NCOR2: variants seen among roughly 807,000 people sequenced by gnomAD.
NCOR2 encodes nuclear receptor corepressor 2, also known as CTG repeat protein 26.
A neutral mutation model predicts 262.9 loss-of-function variants in NCOR2; 81 were observed. That is an observed-to-expected ratio of 0.31 (90% CI 0.26 to 0.37). NCOR2 has a LOEUF of 0.37. NCOR2 is among the 10% of genes least tolerant of loss of function. The pLI is 1.00. For missense variants in NCOR2, 3,385 were observed against 3,621.4 expected, an observed-to-expected ratio of 0.93 and a Z score of 1.68; for synonymous variants, 1,659 against 1,559.3, an observed-to-expected ratio of 1.06 and a Z score of -1.51.
rs71458849 is a variant in NCOR2, at chr12:124,508,870, G to A, written c.-117-13502C>T. Among the ~76,000 whole-genome samples the A allele has an allele frequency of 8.7e-3, 1,322 of 152,272 alleles. 13 individuals carry two copies. Among genetic ancestry groups the A allele is most frequent in the Non-Finnish European group, 0.012 (818 of 68,018 alleles). On this transcript the variant is annotated intron_variant, in intron 1 of 46. Coordinates refer to the NCOR2 transcript ENST00000404621. ...CCACAAGAGAGGTGAGGGAAGGCTG[G>A]GGAGCTGAAGCGGGCTGATGGGGGG...
rs2041484814 is a variant in NCOR2 at position 124,393,901 on chromosome 12, A to G, written c.1876+4218T>C. Among the ~76,000 whole-genome samples the G allele has an allele frequency of 4.6e-5, 7 of 152,244 alleles. No homozygotes were observed. In the South Asian group the frequency reaches 1.4e-3, roughly 31 times the overall value. ...ACGGTGTTACTGGGTGATATTCACTATTATTTCGTGCTCTGGGTGTCGGCC... is the reference window on the plus strand; with the variant it reads ...ACGGTGTTACTGGGTGATATTCACTGTTATTTCGTGCTCTGGGTGTCGGCC... On this transcript the variant is annotated intron_variant, in intron 16 of 46. Coordinates refer to ENST00000405201, the Ensembl canonical transcript of NCOR2.
chr12:124,523,645 A>AAAC lies in NCOR2; in HGVS notation c.-118+11919_-118+11920insGTT, dbSNP rs1555237266. Among the ~76,000 whole-genome samples the AAAC allele has an allele frequency of 7.0e-6, 1 of 142,708 alleles. No individual in the cohort carries two copies. The highest frequency in any genetic ancestry group is 3.1e-5 in the African/African-American group (1 of 32,696). 93.6% of individuals were successfully genotyped at this position (142,708 alleles called of 152,430 possible). A position where few individuals can be genotyped will look rare whatever the true frequency, so the allele number is the denominator to read the frequency against. Reference sequence around the variant, plus strand: ...ACCATAGCTGATGAACTAAAAAAAAAAAAAACAAAAAACCGAAAAACAATC... The same window carrying AAAC: ...ACCATAGCTGATGAACTAAAAAAAAAAACAAAAACAAAAAACCGAAAAACAATC... On this transcript the variant is annotated intron_variant, in intron 1 of 46. Transcript: ENST00000404621. The surrounding 1 kb of genome is among the most constrained non-coding windows in gnomAD (Gnocchi z 4.0).
intron 11 of NCOR2, among the ~76,000 whole-genome samples, chr12:124,423,727 G>T (rs1322009395): frequency 1.3e-5 from 2 of 152,164 alleles, no homozygotes; most frequent in Non-Finnish European, 2.9e-5. Context: ...AAGAGACCAG[G>T]AATCAAACTT....
chr12:124,529,302 A>AC (rs1303791794), intron 1 of NCOR2, among the ~76,000 whole-genome samples: 11 of 147,024 alleles, frequency 7.5e-5, no homozygotes, highest in African/African-American at 2.8e-4. Flanking sequence ...CCCCGTCTCT[A>AC]CTAAAAAAAA....
intron 1 of NCOR2, chr12:124,561,859 T>A (rs1689485564): frequency 6.6e-6 from 1 of 151,870 alleles, no homozygotes; most frequent in Non-Finnish European, 1.5e-5. Context: ...CTACAAAAAA[T>A]TTTAAAATTA....
chr12:124,415,427 G>A (rs1322487433), intron 13 of NCOR2, among the ~76,000 whole-genome samples: 1 of 152,234 alleles, frequency 6.6e-6, no homozygotes, highest in East Asian at 1.9e-4. Flanking sequence ...GATTTTCCTT[G>A]CTGCCATGGG....
chr12:124,400,454 C>A (rs746577398), intron 15 of NCOR2, 47 bp downstream of exon 17: 1 of 1,591,256 alleles, frequency 6.3e-7, no homozygotes, highest in Non-Finnish European at 8.6e-7. Flanking sequence ...CGCAACCCGC[C>A]GTGTCTCCAG....
At chr12:124,470,983 C>A (rs137872660) in intron 4 of NCOR2, among the ~76,000 whole-genome samples, 1 of 152,226 alleles carries the variant, frequency 6.6e-6, no homozygotes, top group African/African-American at 2.4e-5. Flanking sequence ...CCTAACGGTG[C>A]GGTACCAGGC....
chr12:124,337,059 T>C (rs903055254), exon 38 of NCOR2: 16 of 1,491,050 alleles, frequency 1.1e-5, no homozygotes, highest in Non-Finnish European at 1.4e-5. Context: ...GGGGCCTCCT[T>C]GGGCAGCAAG....
At chr12:124,560,531 C>T (rs1350940234) in intron 1 of NCOR2, among the ~76,000 whole-genome samples, 3 of 152,252 alleles carry the variant, frequency 2.0e-5, no homozygotes, top group Non-Finnish European at 4.4e-5. Flanking sequence ...CCAACTCTTG[C>T]TTTCTACGTT....
intron 26 of NCOR2, 134 bp from the exon 29 acceptor site, chr12:124,354,330 C>A: frequency 8.7e-7 from 1 of 1,147,860 alleles, no homozygotes; most frequent in Non-Finnish European, 1.2e-6. Flanking sequence ...AGTCCCCCTA[C>A]CCCTAAATGG....
chr12:124,356,936 C>A, intron 22 of NCOR2, 154 bp from the exon 25 acceptor site: 1 of 951,368 alleles, frequency 1.1e-6, no homozygotes, highest in Non-Finnish European at 1.4e-6. Context: ...CCAAGTCTGC[C>A]TGCCTGGGCG....
chr12:124,473,171 G>A lies in NCOR2; in HGVS notation c.412-40C>T, dbSNP rs143619072. On this transcript the variant is annotated intron_variant, in intron 3 of 46. Transcript: ENST00000405201. ...AAACGGGCATGGGGTCAGCACAGGG[G>A]ACACCCCCCAGTCTGTACAACCCTG... The A allele has an allele frequency of 2.0e-3, 3,192 of 1,609,060 alleles. 44 individuals carry two copies. The African/African-American group carries it at 0.034, about 17-fold the overall frequency.
At chr12:124,388,643 C>T (rs1182447631) in intron 16 of NCOR2, 2 of 1,302,688 alleles carry the variant, frequency 1.5e-6, no homozygotes, top group African/African-American at 1.5e-5. Context: ...CCTGTCCCTG[C>T]ACCCGCAGTC....
intron 30 of NCOR2, among the ~76,000 whole-genome samples, 200 bp from the exon 33 acceptor site, chr12:124,347,050 G>A (rs1244066): frequency 0.46 from 69,933 of 152,144 alleles, 17,261 homozygotes; most frequent in Middle Eastern, 0.6. Flanking sequence ...ACCTCAGCAA[G>A]TCGGGAACAC....
At chr12:124,456,205 C>T (rs1409934744) in intron 6 of NCOR2, among the ~76,000 whole-genome samples, 10 of 152,218 alleles carry the variant, frequency 6.6e-5, no homozygotes, top group African/African-American at 2.2e-4. Flanking sequence ...GCACCCTGGG[C>T]GCACTCACAC....
intron 9 of NCOR2, among the ~76,000 whole-genome samples, chr12:124,430,056 C>T (rs1356850110): frequency 6.6e-6 from 1 of 152,234 alleles, no homozygotes; most frequent in African/African-American, 2.4e-5. Context: ...TATGAGGATT[C>T]AAAAGTGGCA....
At chr12:124,337,918 G>A (rs150940851) in intron 37 of NCOR2, among the ~76,000 whole-genome samples, 1,869 of 152,308 alleles carry the variant, frequency 0.012, 23 homozygotes, top group Middle Eastern at 0.078. Context: ...ATTCATGAGC[G>A]GGCAGTGGGC....
rs1188245334 is a variant in NCOR2 at position 124,334,824 on chromosome 12, T to C, written c.6412-207A>G. 52 of 597,432 alleles carry C rather than the reference T, an allele frequency of 8.7e-5. No individual in the cohort carries two copies. The East Asian group carries it at 1.2e-3, about 14-fold the overall frequency. The allele number at this position is 597,432 out of a possible 1,614,324, so 37.0% of individuals were successfully genotyped here. ...GTGGTCAGCGGTCCCAAGCTGGTAGTTGGCAGATGGCTGATGAGACCAGCC... is the reference window on the plus strand; with the variant it reads ...GTGGTCAGCGGTCCCAAGCTGGTAGCTGGCAGATGGCTGATGAGACCAGCC... On this transcript the variant is annotated intron_variant, in intron 40 of 46. Coordinates refer to ENST00000405201, the Ensembl canonical transcript of NCOR2.
Sources: gnomAD v4.1 joint callset for allele counts (sites outside exome capture counted in the v4.1 genomes callset) on GRCh38, gnomAD v4.1.1 for gene constraint, Gnocchi (gnomAD v3.1) non-coding constraint, MANE v1.5 for transcripts, NCBI Gene and HGNC (gene_info 2026-07-23, HGNC 2026-07-21) for gene names.